Variants in PROM1 observed in about 807,000 individuals in gnomAD.
PROM1 encodes prominin-1.
In PROM1, 105 loss-of-function variants were observed where a neutral mutation model predicts 116.9. The ratio of observed to expected loss-of-function variants is 0.90; its 90% CI spans 0.77 to 1.06. PROM1 has a LOEUF of 1.06. PROM1 is among the 50% of genes least tolerant of loss of function. PROM1 has a pLI of 0.00. For synonymous variants in PROM1, 393 were observed against 387.0 expected, an observed-to-expected ratio of 1.02 and a Z score of -0.18; for missense variants, 1,122 against 1,045.2, an observed-to-expected ratio of 1.07 and a Z score of -1.01.
At chr4:16,007,099 T>C (rs1433275528) in intron 12 of PROM1, among the ~76,000 whole-genome samples, 4 of 152,216 alleles carry the variant, frequency 2.6e-5, no homozygotes, top group African/African-American at 4.8e-5. Context: ...AATGAAGGCA[T>C]ATGGCTAGAT....
intron 4 of PROM1, among the ~76,000 whole-genome samples, chr4:16,034,157 G>A (rs372915868): frequency 4.6e-5 from 7 of 152,196 alleles, no homozygotes; most frequent in African/African-American, 1.2e-4. Flanking sequence ...CATATAAGGC[G>A]CTTTGCACAC....
intron 3 of PROM1, chr4:16,037,977 T>C (rs1176735731): frequency 6.6e-6 from 1 of 152,182 alleles, no homozygotes; most frequent in Admixed American, 6.5e-5. Context: ...CCAACTTACC[T>C]TTTTTTCTCT....
At chr4:16,037,872 G>A (rs1734291766) in intron 3 of PROM1, 2 of 152,210 alleles carry the variant, frequency 1.3e-5, no homozygotes, top group Non-Finnish European at 1.5e-5. Context: ...AGCAACTTGG[G>A]TAATAAGCAG....
chr4:16,033,585 TC>T (rs373482910), intron 4 of PROM1, 76 bp from the exon 5 acceptor site: 16 of 906,636 alleles, frequency 1.8e-5, no homozygotes, highest in South Asian at 2.3e-5. Context: ...TGTACAAAGT[TC>T]TTTTTTTTTT....
chr4:16,063,490 G>A (rs899978736), intron 2 of PROM1, among the ~76,000 whole-genome samples: 2 of 152,188 alleles, frequency 1.3e-5, no homozygotes, highest in African/African-American at 4.8e-5. Context: ...CAGCTACTCG[G>A]GAGGCCGAAG....
At chr4:16,001,293 G>C (rs1004150506) in intron 13 of PROM1, among the ~76,000 whole-genome samples, 1 of 152,188 alleles carries the variant, frequency 6.6e-6, no homozygotes, top group Non-Finnish European at 1.5e-5. Context: ...GAGAAGATGG[G>C]CTGGATGTTG....
intron 2 of PROM1, among the ~76,000 whole-genome samples, chr4:16,050,289 C>A (rs977841212): frequency 1.3e-4 from 19 of 151,520 alleles, no homozygotes; most frequent in Non-Finnish European, 1.8e-4. Context: ...CACACACACA[C>A]AAAAACTGAT....
intron 15 of PROM1, among the ~76,000 whole-genome samples, chr4:15,995,597 A>G (rs554739831): frequency 3.3e-5 from 5 of 152,234 alleles, no homozygotes; most frequent in East Asian, 3.9e-4. Context: ...TTTGGCCCCA[A>G]AGTGGTAGTG....
intron 2 of PROM1, among the ~76,000 whole-genome samples, chr4:16,068,652 C>G (rs1219703820): frequency 6.6e-6 from 1 of 152,168 alleles, no homozygotes; most frequent in Non-Finnish European, 1.5e-5. Flanking sequence ...AAGTGTCGCT[C>G]AATTCTAGAA....
At chr4:15,979,288 C>G in intron 26 of PROM1, 107 bp downstream of exon 26, 1 of 1,545,782 alleles carries the variant, frequency 6.5e-7, no homozygotes, top group Non-Finnish European at 8.8e-7. Flanking sequence ...AAGTATCATA[C>G]AGAGAGAAGT....
intron 13 of PROM1, among the ~76,000 whole-genome samples, chr4:16,005,232 G>T (rs1017538155): frequency 1.3e-5 from 2 of 152,078 alleles, no homozygotes; most frequent in Non-Finnish European, 2.9e-5. Context: ...CAAAGTGTTG[G>T]GATTACAGGC....
intron 26 of PROM1, chr4:15,976,184 C>T (rs772936559): frequency 3.1e-5 from 14 of 455,494 alleles, no homozygotes; most frequent in Non-Finnish European, 4.9e-5. Flanking sequence ...TAATCTAGTT[C>T]GAATTTCAAC....
chr4:16,050,829 C>T (rs2149468907), intron 2 of PROM1, among the ~76,000 whole-genome samples: 1 of 152,340 alleles, frequency 6.6e-6, no homozygotes, highest in Non-Finnish European at 1.5e-5. Flanking sequence ...GAAATCCCTT[C>T]ATATATTTAA....
chr4:16,029,808 G>T (rs772432002), intron 5 of PROM1, among the ~76,000 whole-genome samples: 9 of 152,186 alleles, frequency 5.9e-5, no homozygotes, highest in African/African-American at 2.2e-4. Flanking sequence ...GTTTCTGAAA[G>T]AATTTTTTAA....
rs148946928 is a variant in PROM1 at position 15,977,850 on chromosome 4, G to A, written c.2582+1545C>T. Among the ~76,000 whole-genome samples the A allele has an allele frequency of 8.8e-4, 134 of 152,236 alleles. 1 individual carries two copies. The East Asian group carries it at 0.015, about 18-fold the overall frequency. On this transcript the variant is annotated intron_variant, in intron 26 of 27. Transcript: ENST00000447510. ...CCTGACCTCGTGATCCACCCGCCTC[G>A]GCTTCCCAATGTGCTGGGATTACAG...
chr4:15,971,206 A>G, intron 26 of PROM1, 124 bp from the exon 27 acceptor site: 1 of 702,530 alleles, frequency 1.4e-6, no homozygotes. Context: ...ACACCTCATA[A>G]AGTTTATCAA....
At chr4:16,074,506 G>C (rs909453722) in intron 2 of PROM1, among the ~76,000 whole-genome samples, 2 of 131,696 alleles carry the variant, frequency 1.5e-5, no homozygotes, top group Admixed American at 1.6e-4. Context: ...TTCTACTTCT[G>C]TCTTTGGAAT....
At chr4:16,037,186 G>T (rs1218132176) in intron 3 of PROM1, among the ~76,000 whole-genome samples, 2 of 152,142 alleles carry the variant, frequency 1.3e-5, no homozygotes, top group African/African-American at 4.8e-5. Context: ...CTCATTCCTT[G>T]GTTGGCATTC....
At chr4:16,015,933 C>T (rs750169703) in intron 10 of PROM1, among the ~76,000 whole-genome samples, 3 of 152,098 alleles carry the variant, frequency 2.0e-5, no homozygotes, top group Non-Finnish European at 4.4e-5. Context: ...AGGTCATGTT[C>T]TTCTTGATCT....
Sources: gnomAD v4.1 joint callset for allele counts (sites outside exome capture counted in the v4.1 genomes callset) on GRCh38, gnomAD v4.1.1 for gene constraint, MANE v1.5 for transcripts, NCBI Gene and HGNC (gene_info 2026-07-23, HGNC 2026-07-21) for gene names.